HDLBP: variants seen among roughly 807,000 people sequenced by gnomAD.
HDLBP encodes high density lipoprotein binding protein, also known as vigilin.
Under a neutral mutation model 137.3 loss-of-function variants are expected in HDLBP, and 30 were observed. The observed-to-expected ratio is 0.22, with a 90% CI of 0.16 to 0.30. The LOEUF is 0.30. Ranked by LOEUF, HDLBP falls within the 10% of genes least tolerant of loss-of-function variation. The pLI is 1.00. For missense variants in HDLBP, 1,119 were observed against 1,667.3 expected, an observed-to-expected ratio of 0.67 and a Z score of 5.73; for synonymous variants, 606 against 596.0, an observed-to-expected ratio of 1.02 and a Z score of -0.24.
chr2:241,236,884 G>T, intron 20 of HDLBP, 115 bp from the exon 21 acceptor site: 1 of 1,013,866 alleles, frequency 9.9e-7, no homozygotes, highest in Non-Finnish European at 1.5e-6. Context: ...AAAAGGGAGG[G>T]AAAACCACTC....
At chr2:241,271,667 C>T (rs935563194) in intron 1 of HDLBP, among the ~76,000 whole-genome samples, 23 of 152,226 alleles carry the variant, frequency 1.5e-4, no homozygotes, top group Admixed American at 1.5e-3. Context: ...AATTTCATTT[C>T]AGCCTCAGTT....
At chr2:241,268,965 T>C (rs2073876549) in intron 1 of HDLBP, 2 of 152,242 alleles carry the variant, frequency 1.3e-5, no homozygotes, top group South Asian at 2.1e-4. Flanking sequence ...TACAACAGAA[T>C]GTGGACCTCG....
intron 10 of HDLBP, 104 bp from the exon 11 acceptor site, chr2:241,253,139 T>C: frequency 1.3e-6 from 1 of 777,234 alleles, no homozygotes; most frequent in Non-Finnish European, 2.2e-6. Flanking sequence ...ACCACTCAGC[T>C]GTCAGGAATT....
intron 1 of HDLBP, chr2:241,271,211 C>T: frequency 8.3e-6 from 7 of 840,514 alleles, no homozygotes; most frequent in Non-Finnish European, 1.0e-5. Flanking sequence ...AACTACTTTT[C>T]CCATAGGAAG....
chr2:241,289,322 C>T (rs1241535900), intron 1 of HDLBP, among the ~76,000 whole-genome samples: 2 of 152,200 alleles, frequency 1.3e-5, no homozygotes, highest in African/African-American at 4.8e-5. Flanking sequence ...TCTCCAGGTA[C>T]TCTCTTCCTA....
Position 241,230,030 on chromosome 2 carries a change from C to CCCCTG in HDLBP, c.3592-74_3592-70dup. On this transcript the variant is annotated intron_variant, in intron 26 of 27. Transcript: ENST00000310931. The surrounding 1 kb of genome is among the most constrained non-coding windows in gnomAD (Gnocchi z 5.0). ...CCCCAGCATCCCGCCCGCCTGCTCACCCCTGCACCTCGCCTGCCTCTGGAA... is the reference window on the plus strand; with the variant it reads ...CCCCAGCATCCCGCCCGCCTGCTCACCCCTGCCCTGCACCTCGCCTGCCTCTGGAA... The CCCCTG allele has an allele frequency of 6.3e-7, 1 of 1,579,368 alleles. No homozygotes were observed. The highest frequency in any genetic ancestry group is 8.6e-7 in the Non-Finnish European group (1 of 1,160,020).
At chr2:241,278,882 G>A (rs1338630566) in intron 1 of HDLBP, among the ~76,000 whole-genome samples, 2 of 152,030 alleles carry the variant, frequency 1.3e-5, no homozygotes, top group South Asian at 2.1e-4. Flanking sequence ...AATCTAAGCC[G>A]GGTGTGGTGA....
intron 1 of HDLBP, among the ~76,000 whole-genome samples, chr2:241,288,785 A>G (rs753833062): frequency 1.4e-4 from 21 of 152,098 alleles, no homozygotes; most frequent in Non-Finnish European, 3.1e-4. Flanking sequence ...CCCCACCCCA[A>G]CTGTAATGGT....
chr2:241,231,765 G>A (rs2069790886), intron 24 of HDLBP, among the ~76,000 whole-genome samples: 2 of 152,088 alleles, frequency 1.3e-5, no homozygotes, highest in South Asian at 4.1e-4. Context: ...TAGCAGACAA[G>A]CAGACCAAGC....
In HDLBP at chr2:241,235,554, T is replaced by G; in HGVS notation, c.2945A>C (p.Asp982Ala). ...CTGCCCAATAACGTAACGGTGAAGG[T>G]CAAAGGGCACCTCTACTTCAATGGT... Reference protein sequence around the residue: ...PVTIEVEVPFDLHRYVIGQKG... With the variant: ...PVTIEVEVPFALHRYVIGQKG... The change falls in exon 22 of 28, where the codon GAC (aspartate) becomes GCC (alanine). Residue 982 changes from aspartate to alanine, a missense_variant. By Grantham distance (126) the Asp-to-Ala change is moderately radical. Transcript: ENST00000310931. 1 of 1,613,960 alleles carries G rather than the reference T, an allele frequency of 6.2e-7. No homozygotes were observed. Among genetic ancestry groups the G allele is most frequent in the Non-Finnish European group, 8.5e-7 (1 of 1,179,952 alleles).
intron 9 of HDLBP, 23 bp from the exon 10 acceptor site, chr2:241,253,520 A>G (rs748300994): frequency 5.8e-6 from 9 of 1,540,430 alleles, no homozygotes; most frequent in African/African-American, 4.1e-5. Flanking sequence ...AACCAAAGAG[A>G]TAGCTAAAAC....
intron 5 of HDLBP, 45 bp downstream of exon 5, chr2:241,262,666 A>T: frequency 6.9e-7 from 1 of 1,443,304 alleles, no homozygotes; most frequent in Non-Finnish European, 9.7e-7. Context: ...GGGTAATGGA[A>T]CGGGTACACA....
chr2:241,239,730 C>T lies in HDLBP; in HGVS notation c.2482G>A (p.Glu828Lys), dbSNP rs1488623926. The change falls in exon 19 of 28, where the codon GAA becomes AAA. Residue 828 changes from glutamate to lysine, a missense_variant. Physicochemically the swap from Glu to Lys is moderately conservative, Grantham distance 56. Coordinates refer to ENST00000310931, the MANE Select transcript of HDLBP (RefSeq NM_005336.6). This position sits in a 1 kb window ranked among gnomAD's most constrained non-coding sequence, Gnocchi z 4.6. ...RRGQVLREIA[E>K]EYGGVMVSFP... is the part of the protein sequence containing the mutation. ...CTGACCATCACCCCGCCATACTCTT[C>T]AGCAATCTCCCGCAAGACCTGGCCT... The T allele has an allele frequency of 6.2e-7, 1 of 1,614,234 alleles. No individual in the cohort carries two copies.
At chr2:241,304,467 G>C (rs2075503010) in intron 1 of HDLBP, among the ~76,000 whole-genome samples, 2 of 152,348 alleles carry the variant, frequency 1.3e-5, no homozygotes, top group Admixed American at 1.3e-4. Flanking sequence ...ATCCCCCGAA[G>C]GCAGCCACAG....
At chr2:241,241,118 C>A (rs1242559873) in intron 17 of HDLBP, among the ~76,000 whole-genome samples, 1 of 152,058 alleles carries the variant, frequency 6.6e-6, no homozygotes, top group Non-Finnish European at 1.5e-5. Context: ...CCAAACCAAG[C>A]AGGGATTACC....
intron 1 of HDLBP, among the ~76,000 whole-genome samples, chr2:241,271,638 T>C (rs944212794): frequency 2.0e-5 from 3 of 152,238 alleles, no homozygotes; most frequent in Admixed American, 1.3e-4. Flanking sequence ...AAGAGAATTA[T>C]CAGTAATACT....
intron 3 of HDLBP, 178 bp downstream of exon 3, chr2:241,266,615 TG>T: frequency 1.7e-6 from 1 of 582,492 alleles, no homozygotes. Context: ...TCCTCATGCC[TG>T]GCCAGTCGCC....
chr2:241,272,555 G>A lies in HDLBP; in HGVS notation c.-102-4014C>T, dbSNP rs2074168598. 1 of 984,396 alleles carries A rather than the reference G, an allele frequency of 1.0e-6. No individual in the cohort carries two copies. Among genetic ancestry groups the A allele is most frequent in the Non-Finnish European group, 1.2e-6 (1 of 829,582 alleles). The allele number at this position is 984,396 out of a possible 1,614,324, so 61.0% of individuals were successfully genotyped here. ...AGAAGAGACTCGGAGCCGGCCCCAG[G>A]TCTGGCCCGGAACCGCCACGCGCGG... On this transcript the variant is annotated intron_variant, in intron 1 of 27. Coordinates refer to ENST00000310931, the MANE Select transcript of HDLBP (RefSeq NM_005336.6). This position sits in a 1 kb window ranked among gnomAD's most constrained non-coding sequence, Gnocchi z 5.6.
chr2:241,291,319 C>T (rs559532962), intron 1 of HDLBP, among the ~76,000 whole-genome samples: 42 of 152,246 alleles, frequency 2.8e-4, no homozygotes, highest in Middle Eastern at 3.4e-3. Flanking sequence ...AGAACACGGA[C>T]GAGGTACAAC....
Sources: gnomAD v4.1 joint callset for allele counts (sites outside exome capture counted in the v4.1 genomes callset) on GRCh38, gnomAD v4.1.1 for gene constraint, Gnocchi (gnomAD v3.1) non-coding constraint, MANE v1.5 for transcripts, NCBI Gene and HGNC (gene_info 2026-07-23, HGNC 2026-07-21) for gene names.